DHODH: variants seen among roughly 807,000 people sequenced by gnomAD.
DHODH encodes dihydroorotate dehydrogenase (quinone), mitochondrial.
DHODH carries 30 observed loss-of-function variants against 39.7 expected under a neutral mutation model. The ratio of observed to expected loss-of-function variants is 0.76; its 90% confidence interval spans 0.57 to 1.02. The LOEUF is 1.02. DHODH is among the 50% of genes least tolerant of loss of function. DHODH has a pLI of 0.00. For missense variants in DHODH, 531 were observed against 520.8 expected (o/e 1.02, Z -0.19); for synonymous variants, 222 against 213.8 (o/e 1.04, Z -0.34).
At chr16:72,019,678 A>G (rs2041181564) in intron 4 of DHODH, among the ~76,000 whole-genome samples, 1 of 152,182 alleles carries the variant, frequency 6.6e-6, no homozygotes, top group Admixed American at 6.5e-5. Flanking sequence ...GAGAGTAAAA[A>G]GGGGCAGGTG....
At chr16:72,017,803 C>T (rs2041159318) in intron 4 of DHODH, among the ~76,000 whole-genome samples, 1 of 101,680 alleles carries the variant, frequency 9.8e-6, no homozygotes, top group Non-Finnish European at 1.9e-5. Context: ...CGGAGTCTCG[C>T]TCTGTCGCCC....
At position 72,012,100 on chromosome 16, in the gene DHODH, C is replaced by A; in HGVS notation, c.72C>A (p.Phe24Leu). 1 of 1,614,170 alleles carries A rather than the reference C, an allele frequency of 6.2e-7. No individual in the cohort carries two copies. Among genetic ancestry groups the A allele is most frequent in the Non-Finnish European group, 8.5e-7 (1 of 1,180,020 alleles). The change falls in exon 2 of 9, where the codon TTC (phenylalanine) becomes TTA (leucine). Residue 24 changes from phenylalanine (F) to leucine (L), a missense_variant. Physicochemically the swap from Phe to Leu is conservative, Grantham distance 22. Coordinates refer to ENST00000219240, the MANE Select transcript of DHODH (RefSeq NM_001361.5). The stretch of plus-strand genomic sequence containing the variant: ...TCCTGGGGGGAGGAGGACTTCTCTT[C>A]GCCTCCTACCTGATGGCCACGGGAG... ...VIILGGGGLL[F>L]ASYLMATGDE... is the part of the protein sequence containing the mutation.
chr16:72,026,996 TGTGTGTGTGTGTG>T lies in DHODH; in HGVS notation c.*2798_*2810del, dbSNP rs1222678146. ...GTGTGTGTGTGTGTGTGTGTGTGTG[TGTGTGTGTGTGTG>T]TTTTTGAGATGGAGTCCTGCTCTGT... is the stretch of plus-strand genomic sequence containing the variant. On this transcript the variant is annotated 3_prime_UTR_variant, in exon 9 of 9. Transcript: ENST00000219240. The T allele has an allele frequency of 0.17, 24,059 of 138,398 alleles. 2,746 individuals are homozygous for T. The highest frequency in any genetic ancestry group is 0.38 in the South Asian group (1,580 of 4,206). The allele number at this position is 138,398 out of a possible 1,614,324, so 8.6% of individuals were successfully genotyped here. A position where few individuals can be genotyped will look rare whatever the true frequency, so the allele number is the denominator to read the frequency against.
Position 72,013,128 on chromosome 16 carries a change from C to CA in DHODH, c.234+866_234+867insA, listed in dbSNP as rs2041102810. Among the ~76,000 whole-genome samples the CA allele has an allele frequency of 2.0e-5, 3 of 151,996 alleles. No homozygotes were observed. The South Asian group carries it at 6.2e-4, about 32-fold the overall frequency. On this transcript the variant is annotated intron_variant, in intron 2 of 8. Transcript: ENST00000219240. ...GGGTCACTGTTATAAATTAAAGGGG[C>CA]CTTCACCGCATTTTCTCTTCCTACC...
intron 1 of DHODH, among the ~76,000 whole-genome samples, chr16:72,010,296 T>G (rs1417329916): frequency 2.0e-5 from 3 of 152,180 alleles, no homozygotes; most frequent in African/African-American, 7.2e-5. Flanking sequence ...TGCCTTCTGG[T>G]TAACTATTTT....
At chr16:72,009,677 C>A (rs1304049512) in intron 1 of DHODH, among the ~76,000 whole-genome samples, 2 of 151,664 alleles carry the variant, frequency 1.3e-5, no homozygotes, top group Admixed American at 6.6e-5. Flanking sequence ...TGCAGTGGCG[C>A]GATCTTGGCT....
intron 6 of DHODH, among the ~76,000 whole-genome samples, chr16:72,022,755 G>A (rs183365198): frequency 7.9e-5 from 12 of 152,312 alleles, no homozygotes; most frequent in Non-Finnish European, 1.6e-4. Context: ...GACTGGGACT[G>A]AAAATTCTTT....
intron 6 of DHODH, 124 bp downstream of exon 6, chr16:72,022,599 G>A: frequency 1.2e-6 from 1 of 812,908 alleles, no homozygotes; most frequent in Non-Finnish European, 2.0e-6. Context: ...AGGCTGGTTT[G>A]GTGTGTGTCA....
intron 2 of DHODH, chr16:72,013,538 T>A (rs1233003153): frequency 2.6e-5 from 4 of 152,202 alleles, no homozygotes; most frequent in African/African-American, 7.2e-5. Context: ...GGATTCTTGA[T>A]TTCACAACTT....
At chr16:72,021,837 C>T (rs2041220894) in intron 5 of DHODH, among the ~76,000 whole-genome samples, 1 of 152,112 alleles carries the variant, frequency 6.6e-6, no homozygotes, top group African/African-American at 2.4e-5. Context: ...GTGGCTCAAG[C>T]CTATAGCCCC....
At chr16:72,016,860 G>A in intron 3 of DHODH, 164 bp from the exon 4 acceptor site, 1 of 686,866 alleles carries the variant, frequency 1.5e-6, no homozygotes, top group Non-Finnish European at 2.7e-6. Flanking sequence ...GTATTGGATG[G>A]TGTTCTGGCA....
At chr16:72,010,543 G>A (rs1350501451) in intron 1 of DHODH, among the ~76,000 whole-genome samples, 2 of 152,202 alleles carry the variant, frequency 1.3e-5, no homozygotes, top group African/African-American at 4.8e-5. Context: ...GAGGGTAGGG[G>A]CAAGATCTGT....
In DHODH at chr16:72,012,154, G is replaced by C. The variant is rs1179573920; in HGVS notation, c.126G>C (p.Met42Ile). 1.9e-6 allele frequency: 3 copies of C among 1,614,032 alleles called. No individual in the cohort carries two copies. Among genetic ancestry groups the C allele is most frequent in the African/African-American group, 1.3e-5 (1 of 74,916 alleles). ...AGCGTTTCTATGCTGAACACCTGAT[G>C]CCGACTCTGCAGGGGCTGCTGGACC... is the stretch of plus-strand genomic sequence containing the variant. Reference protein sequence around the residue: ...GDERFYAEHLMPTLQGLLDPE... With the variant: ...GDERFYAEHLIPTLQGLLDPE... The change falls in exon 2 of 9, where the codon ATG becomes ATC. Residue 42 changes from methionine (M) to isoleucine (I), a missense_variant. Met to Ile is a conservative substitution (Grantham distance 10, BLOSUM62 1). Coordinates refer to ENST00000219240, the MANE Select transcript of DHODH (RefSeq NM_001361.5).
chr16:72,024,132 G>C lies in DHODH; in HGVS notation c.1134-13G>C. ...ACTGTTTGCTGAAATTGCTTTGTTT[G>C]CTCTTTTTCCAGAGAGCAGGGCTTT... On this transcript the variant is annotated splice_polypyrimidine_tract_variant and intron_variant, in intron 8 of 8. Transcript: ENST00000219240. 1 of 1,614,148 alleles carries C rather than the reference G, an allele frequency of 6.2e-7. No homozygotes were observed. The highest frequency in any genetic ancestry group is 8.5e-7 in the Non-Finnish European group (1 of 1,180,000).
In DHODH at chr16:72,021,259, C is replaced by T; in HGVS notation, c.653C>T (p.Ala218Val). ...GTGAATGTGTCCAGCCCCAACACTG[C>T]CGGGCTGCGGAGCCTTCAGGGAAAG... ...LVVNVSSPNT[A>V]GLRSLQGKAE... Residue 218 changes from alanine to valine, a missense_variant, in exon 5 of 9, where the codon GCC (alanine) becomes GTC (valine). Transcript: ENST00000219240. 1 of 1,612,656 alleles carries T rather than the reference C, an allele frequency of 6.2e-7. No individual in the cohort carries two copies. Among genetic ancestry groups the T allele is most frequent in the Non-Finnish European group, 8.5e-7 (1 of 1,179,640 alleles).
intron 6 of DHODH, 21 bp from the exon 7 acceptor site, chr16:72,023,144 T>C: frequency 6.2e-7 from 1 of 1,614,004 alleles, no homozygotes; most frequent in Non-Finnish European, 8.5e-7. Flanking sequence ...CTCATGGCTT[T>C]TTCTCTATCT....
At position 72,014,510 on chromosome 16, in the gene DHODH, T is replaced by C. The variant is rs1280523298; in HGVS notation, c.272T>C (p.Val91Ala). ...CTGGGCCATAAATTCCGAAATCCAGTAGGAATTGCTGCAGGATTTGACAAG... is the reference window on the plus strand; with the variant it reads ...CTGGGCCATAAATTCCGAAATCCAGCAGGAATTGCTGCAGGATTTGACAAG... ...RVLGHKFRNP[V>A]GIAAGFDKHG... The change falls in exon 3 of 9, where the codon GTA becomes GCA. Residue 91 changes from valine to alanine, a missense_variant. Physicochemically the swap from Val to Ala is moderately conservative, Grantham distance 64. Coordinates refer to ENST00000219240, the MANE Select transcript of DHODH (RefSeq NM_001361.5). The C allele has an allele frequency of 9.3e-6, 15 of 1,614,092 alleles. No individual in the cohort carries two copies. Among genetic ancestry groups the C allele is most frequent in the Non-Finnish European group, 1.3e-5 (15 of 1,180,014 alleles).
intron 3 of DHODH, 52 bp downstream of exon 3, chr16:72,014,724 C>T (rs747401750): frequency 2.0e-5 from 31 of 1,564,084 alleles, no homozygotes; most frequent in East Asian, 6.7e-5. Context: ...CAGCTGGGGG[C>T]GTTCAGAGAT....
intron 4 of DHODH, 96 bp downstream of exon 4, chr16:72,017,202 G>A (rs2041151801): frequency 7.5e-7 from 1 of 1,335,840 alleles, no homozygotes; most frequent in South Asian, 1.2e-5. Flanking sequence ...ACATGATTGA[G>A]CAATAGCAAA....
Sources: allele counts gnomAD v4.1 joint callset (sites outside exome capture counted in the v4.1 genomes callset), GRCh38; gene constraint gnomAD v4.1.1; transcripts MANE v1.5; gene names NCBI Gene and HGNC (gene_info 2026-07-23, HGNC 2026-07-21).